ERBB4: variants seen among roughly 807,000 people sequenced by gnomAD.
ERBB4 encodes the protein erb-b2 receptor tyrosine kinase 4.
In ERBB4, 42 loss-of-function variants were observed where a neutral mutation model predicts 158.0. The observed-to-expected ratio is 0.27, with a 90% CI of 0.21 to 0.34. ERBB4 has a LOEUF of 0.34. ERBB4 is among the 10% of genes least tolerant of loss of function. The probability of loss-of-function intolerance (pLI) is 1.00; values close to 1 mark genes in which losing one functional copy is unlikely to be tolerated. For missense variants in ERBB4, 1,333 were observed against 1,624.1 expected (o/e 0.82, Z 3.08); for synonymous variants, 583 against 558.7 (o/e 1.04, Z -0.61).
At chr2:212,410,250 A>T (rs1249170217) in intron 1 of ERBB4, among the ~76,000 whole-genome samples, 2 of 119,122 alleles carry the variant, frequency 1.7e-5, no homozygotes, top group East Asian at 3.9e-4. Flanking sequence ...TGCTATGTTT[A>T]TTTGTGTTAG....
At chr2:211,632,456 C>A (rs1407621259) in intron 16 of ERBB4, among the ~76,000 whole-genome samples, 1 of 151,990 alleles carries the variant, frequency 6.6e-6, no homozygotes, top group Admixed American at 6.6e-5. Context: ...ATAATTGAGA[C>A]TAATGTCCAA....
chr2:211,584,885 T>C (rs2068216599), intron 19 of ERBB4, among the ~76,000 whole-genome samples: 1 of 151,528 alleles, frequency 6.6e-6, no homozygotes, highest in South Asian at 2.1e-4. Flanking sequence ...CCATTTATAA[T>C]TTTCTTTCTA....
chr2:212,307,593 A>G (rs1675787233), intron 1 of ERBB4, among the ~76,000 whole-genome samples: 1 of 151,026 alleles, frequency 6.6e-6, no homozygotes, highest in Non-Finnish European at 1.5e-5. Flanking sequence ...TCGATTTCTA[A>G]TCATTTATCT....
rs1050753835 is a variant in ERBB4 at position 212,191,873 on chromosome 2, A to G, written c.83-66970T>C. ...TATATATGTTCTATATATTATATAT[A>G]ATACATATGTTACATGTTATATATT... On this transcript the variant is annotated intron_variant, in intron 1 of 27. Transcript: ENST00000342788. Among the ~76,000 whole-genome samples, 32 of 15,726 alleles carry G rather than the reference A, an allele frequency of 2.0e-3. 1 individual carries two copies. The highest frequency in any genetic ancestry group is 0.045 in the Middle Eastern group (1 of 22). The allele number at this position is 15,726 out of a possible 152,430, so 10.3% of individuals were successfully genotyped here.
intron 19 of ERBB4, among the ~76,000 whole-genome samples, chr2:211,617,061 G>T (rs1178977869): frequency 6.6e-6 from 1 of 152,012 alleles, no homozygotes; most frequent in Non-Finnish European, 1.5e-5. Flanking sequence ...GATGGGGTTA[G>T]GAGCTTTCAA....
chr2:212,188,355 T>A (rs2125704632), intron 1 of ERBB4, among the ~76,000 whole-genome samples: 1 of 148,886 alleles, frequency 6.7e-6, no homozygotes, highest in East Asian at 2.0e-4. Flanking sequence ...ACTCTTATCA[T>A]CTCTTGCCTG....
chr2:211,976,303 G>A (rs1339760549), intron 2 of ERBB4, among the ~76,000 whole-genome samples: 1 of 152,164 alleles, frequency 6.6e-6, no homozygotes, highest in African/African-American at 2.4e-5. Flanking sequence ...TAATTGTTCA[G>A]TGATAAAGAC....
intron 2 of ERBB4, among the ~76,000 whole-genome samples, chr2:211,950,680 C>A (rs2080849941): frequency 6.6e-6 from 1 of 152,084 alleles, no homozygotes; most frequent in Non-Finnish European, 1.5e-5. Flanking sequence ...TGGAATTACT[C>A]ATATCTGGCA....
At chr2:212,025,614 A>T (rs2076755248) in intron 2 of ERBB4, among the ~76,000 whole-genome samples, 2 of 151,720 alleles carry the variant, frequency 1.3e-5, no homozygotes, top group Admixed American at 1.3e-4. Flanking sequence ...TATGTTCCTA[A>T]GTCTGTTGCA....
At chr2:211,654,763 C>A (rs570041897) in intron 16 of ERBB4, among the ~76,000 whole-genome samples, 1 of 152,280 alleles carries the variant, frequency 6.6e-6, no homozygotes, top group East Asian at 1.9e-4. Context: ...AATATTTGAA[C>A]CTAGACATTC....
At chr2:211,875,045 AAAAAAC>A (rs2078460808) in intron 3 of ERBB4, among the ~76,000 whole-genome samples, 1 of 114,364 alleles carries the variant, frequency 8.7e-6, no homozygotes, top group Non-Finnish European at 2.1e-5. Flanking sequence ...AAAAAAAAAA[AAAAAAC>A]AAACTCAAAT....
chr2:212,520,466 G>A (rs546314888), intron 1 of ERBB4, among the ~76,000 whole-genome samples: 4 of 151,998 alleles, frequency 2.6e-5, no homozygotes, highest in African/African-American at 9.6e-5. Flanking sequence ...TAAAGGTATA[G>A]CTCATGGTTT....
At chr2:212,398,277 T>C (rs1039390857) in intron 1 of ERBB4, among the ~76,000 whole-genome samples, 14 of 152,140 alleles carry the variant, frequency 9.2e-5, no homozygotes, top group African/African-American at 3.4e-4. Flanking sequence ...TTGTCTTCTC[T>C]TTATTCTTTT....
chr2:211,919,819 A>G (rs1205041322), intron 3 of ERBB4, among the ~76,000 whole-genome samples: 1 of 151,966 alleles, frequency 6.6e-6, no homozygotes, highest in Non-Finnish European at 1.5e-5. Flanking sequence ...CAATATGTAG[A>G]CATACTTTCA....
rs2086916047 is a variant in ERBB4 at position 212,308,964 on chromosome 2, T to C, written c.83-184061A>G. 5.3e-5 allele frequency among the ~76,000 whole-genome samples: 8 copies of C among 151,072 alleles called. No homozygotes were observed. In the South Asian group the frequency reaches 1.5e-3, roughly 27 times the overall value. On this transcript the variant is annotated intron_variant, in intron 1 of 27. Coordinates refer to ENST00000342788, the MANE Select transcript of ERBB4 (RefSeq NM_005235.3). ...AAAATAACCCCAGCTGAAGAAAAAG[T>C]AATCTCCCTTGAGGAGGTTCTTTTC...
At chr2:212,081,472 A>C (rs185786010) in intron 2 of ERBB4, among the ~76,000 whole-genome samples, 5 of 152,268 alleles carry the variant, frequency 3.3e-5, no homozygotes, top group African/African-American at 9.6e-5. Flanking sequence ...ATCACACTAA[A>C]TCAAGGGTAC....
chr2:212,201,399 C>G (rs984885637), intron 1 of ERBB4, among the ~76,000 whole-genome samples: 8 of 152,112 alleles, frequency 5.3e-5, no homozygotes, highest in Admixed American at 5.2e-4. Flanking sequence ...CCCGTGGATT[C>G]ACCTGATAGT....
chr2:211,658,163 T>C (rs547296523), intron 15 of ERBB4, among the ~76,000 whole-genome samples: 1 of 152,328 alleles, frequency 6.6e-6, no homozygotes, highest in South Asian at 2.1e-4. Flanking sequence ...CAGAAATGAA[T>C]TGCCATTATC....
intron 20 of ERBB4, among the ~76,000 whole-genome samples, chr2:211,510,942 C>T (rs1380258251): frequency 1.3e-5 from 2 of 151,496 alleles, no homozygotes; most frequent in Non-Finnish European, 2.9e-5. Flanking sequence ...TTTAAGATCA[C>T]AGTATAAAAT....
Sources: allele counts gnomAD v4.1 joint callset (sites outside exome capture counted in the v4.1 genomes callset), GRCh38; gene constraint gnomAD v4.1.1; transcripts MANE v1.5; gene names NCBI Gene and HGNC (gene_info 2026-07-23, HGNC 2026-07-21).